Variants in CAMK1D observed in about 807,000 individuals in gnomAD.
CAMK1D encodes the protein calcium/calmodulin dependent protein kinase ID.
Under a neutral mutation model 47.7 loss-of-function variants are expected in CAMK1D, and 9 were observed. The observed-to-expected ratio is 0.19, with a 90% CI of 0.11 to 0.33. The LOEUF (loss-of-function observed/expected upper bound fraction) is 0.33. Among genes scored for constraint, CAMK1D ranks in the 10% least tolerant of loss-of-function variants. The pLI is 1.00. For missense variants in CAMK1D, 291 were observed against 488.7 expected (o/e 0.60, Z 3.81); for synonymous variants, 184 against 184.9 (o/e 0.99, Z 0.04).
At chr10:12,747,760 G>A (rs570961638) in intron 3 of CAMK1D, among the ~76,000 whole-genome samples, 17 of 152,144 alleles carry the variant, frequency 1.1e-4, no homozygotes, top group Non-Finnish European at 2.5e-4. Flanking sequence ...CAGCAGGCTC[G>A]AGTCCTGGGA....
intron 8 of CAMK1D, among the ~76,000 whole-genome samples, chr10:12,821,373 G>A (rs767138267): frequency 3.3e-5 from 5 of 152,134 alleles, no homozygotes; most frequent in Non-Finnish European, 7.4e-5. Context: ...CTGAGTGTTC[G>A]CCGAACCCCC....
chr10:12,767,549 C>G (rs537970660), intron 4 of CAMK1D, among the ~76,000 whole-genome samples: 1 of 152,262 alleles, frequency 6.6e-6, no homozygotes, highest in South Asian at 2.1e-4. Context: ...TCAAGAGATC[C>G]TGATGACATG....
At chr10:12,611,588 C>CTTTTTTTTTTTTTGTTTTTT (rs1838622730) in intron 2 of CAMK1D, among the ~76,000 whole-genome samples, 1 of 59,906 alleles carries the variant, frequency 1.7e-5, no homozygotes, top group Non-Finnish European at 3.3e-5. Flanking sequence ...TTCAGAATGC[C>CTTTTTTTTTTTTTGTTTTTT]TTTTTTTTTT....
At chr10:12,541,602 A>G (rs1000275103) in intron 1 of CAMK1D, among the ~76,000 whole-genome samples, 2 of 151,552 alleles carry the variant, frequency 1.3e-5, no homozygotes, top group Non-Finnish European at 2.9e-5. Flanking sequence ...CTTGTGATTC[A>G]CCCGCCTTGG....
chr10:12,817,013 T>A (rs200282335), intron 8 of CAMK1D, among the ~76,000 whole-genome samples: 41 of 112,348 alleles, frequency 3.6e-4, no homozygotes, highest in Non-Finnish European at 6.5e-4. Context: ...AAGTCATATC[T>A]TACATGGATG....
intron 1 of CAMK1D, among the ~76,000 whole-genome samples, chr10:12,482,495 A>G (rs1285725070): frequency 6.6e-6 from 1 of 152,230 alleles, no homozygotes; most frequent in Non-Finnish European, 1.5e-5. Flanking sequence ...TTGGAATAAT[A>G]GAATTTTTTT....
intron 1 of CAMK1D, among the ~76,000 whole-genome samples, chr10:12,454,304 A>G (rs2132038904): frequency 6.6e-6 from 1 of 152,248 alleles, no homozygotes; most frequent in Admixed American, 6.5e-5. Context: ...CTGGGACTAC[A>G]GGCGCGTGCC....
intron 1 of CAMK1D, among the ~76,000 whole-genome samples, chr10:12,457,632 T>G (rs1305657348): frequency 6.6e-6 from 1 of 151,378 alleles, no homozygotes; most frequent in Non-Finnish European, 1.5e-5. Context: ...AATACAAAAA[T>G]TAGCTGGGTG....
intron 8 of CAMK1D, among the ~76,000 whole-genome samples, chr10:12,820,534 C>T (rs1248098776): frequency 1.3e-5 from 2 of 152,192 alleles, no homozygotes; most frequent in African/African-American, 2.4e-5. Flanking sequence ...TCCTCATCAG[C>T]GGCAGCATTC....
intron 6 of CAMK1D, among the ~76,000 whole-genome samples, chr10:12,795,982 A>G (rs1220389910): frequency 1.3e-5 from 2 of 152,220 alleles, no homozygotes; most frequent in Non-Finnish European, 1.5e-5. Flanking sequence ...CCAAGATAGC[A>G]TAAGGTCCAA....
At chr10:12,692,040 G>A (rs1317529926) in intron 3 of CAMK1D, among the ~76,000 whole-genome samples, 1 of 152,082 alleles carries the variant, frequency 6.6e-6, no homozygotes, top group Non-Finnish European at 1.5e-5. Flanking sequence ...AGAGTTTAAC[G>A]ACCTGGCAGC....
chr10:12,694,457 T>C (rs1434935276), intron 3 of CAMK1D, among the ~76,000 whole-genome samples: 1 of 117,300 alleles, frequency 8.5e-6, no homozygotes, highest in Non-Finnish European at 1.6e-5. Flanking sequence ...GAAATATATA[T>C]GTTATATATC....
At chr10:12,429,654 T>C (rs1054282084) in intron 1 of CAMK1D, among the ~76,000 whole-genome samples, 67 of 152,152 alleles carry the variant, frequency 4.4e-4, no homozygotes, top group African/African-American at 1.6e-3. Flanking sequence ...TTCTCTCTTA[T>C]AACATCCTGT....
At chr10:12,730,553 C>T (rs776569765) in intron 3 of CAMK1D, among the ~76,000 whole-genome samples, 6 of 152,070 alleles carry the variant, frequency 3.9e-5, no homozygotes, top group Non-Finnish European at 7.3e-5. Context: ...CCTTCATCCA[C>T]GAGCCAGGAT....
chr10:12,718,352 G>C (rs1016933854), intron 3 of CAMK1D, among the ~76,000 whole-genome samples: 6 of 152,162 alleles, frequency 3.9e-5, no homozygotes, highest in African/African-American at 9.7e-5. Flanking sequence ...GGCTTGATTT[G>C]TCTAAATTGC....
Position 12,540,099 on chromosome 10 carries a change from C to CT in CAMK1D, c.93-13116dup, listed in dbSNP as rs776371449. Among the ~76,000 whole-genome samples the CT allele has an allele frequency of 4.8e-3, 668 of 138,612 alleles. 6 individuals carry two copies. The highest frequency in any genetic ancestry group is 8.8e-3 in the Non-Finnish European group (547 of 62,456). The allele number at this position is 138,612 out of a possible 152,430, so 90.9% of individuals were successfully genotyped here. On this transcript the variant is annotated intron_variant, in intron 1 of 10. Transcript: ENST00000619168. ...TAGCTAATTTTTTCTTTTTTCTTTT[C>CT]TTTTTTTTTTGGAGAGTTGGGGGTC...
At chr10:12,715,677 C>T (rs1039479847) in intron 3 of CAMK1D, among the ~76,000 whole-genome samples, 1 of 148,328 alleles carries the variant, frequency 6.7e-6, no homozygotes, top group Non-Finnish European at 1.5e-5. Context: ...TAACCACAAT[C>T]AGATTATACT....
intron 3 of CAMK1D, among the ~76,000 whole-genome samples, chr10:12,712,346 A>G (rs1418881721): frequency 6.6e-6 from 1 of 152,224 alleles, no homozygotes; most frequent in Non-Finnish European, 1.5e-5. Flanking sequence ...CATAACTATA[A>G]TACCAAGCCA....
chr10:12,479,537 T>C (rs924752055), intron 1 of CAMK1D, among the ~76,000 whole-genome samples: 4 of 152,312 alleles, frequency 2.6e-5, no homozygotes, highest in South Asian at 2.1e-4. Context: ...GTGCTGCTGC[T>C]GCCGCCGCTG....
Sources: allele counts gnomAD v4.1 joint callset (sites outside exome capture counted in the v4.1 genomes callset), GRCh38; gene constraint gnomAD v4.1.1; transcripts MANE v1.5; gene names NCBI Gene and HGNC (gene_info 2026-07-23, HGNC 2026-07-21).